The following TMC2 variants were observed in gnomAD, a reference collection of about 807,000 sequenced individuals.
The protein encoded by TMC2 is transmembrane channel-like protein 2.
TMC2 carries 102 observed loss-of-function variants against 105.9 expected under a neutral mutation model. The ratio of observed to expected loss-of-function variants is 0.96; its 90% confidence interval spans 0.82 to 1.14. TMC2 has a LOEUF of 1.14. Among genes scored for constraint, TMC2 ranks in the 50% most tolerant of loss-of-function variants. The pLI is 0.00. For synonymous variants in TMC2, 402 were observed against 422.8 expected (o/e 0.95, Z 0.60); for missense variants, 1,093 against 1,134.3 (o/e 0.96, Z 0.52).
At chr20:2,599,692 C>A (rs775262929) in intron 10 of TMC2, among the ~76,000 whole-genome samples, 1 of 152,018 alleles carries the variant, frequency 6.6e-6, no homozygotes, top group Non-Finnish European at 1.5e-5. Context: ...TCCTCCCTCC[C>A]TGGCCTCCCA....
At position 2,641,357 on chromosome 20, in the gene TMC2, A is replaced by G; in HGVS notation, c.*6A>G. 1.3e-6 allele frequency: 2 copies of G among 1,599,772 alleles called. No homozygotes were observed. The highest frequency in any genetic ancestry group is 4.5e-5 in the East Asian group (2 of 44,716). Reference sequence around the variant, plus strand: ...CTCAGAGACCTCCCCACTGATGGCTAGGACTCCAGGGAGCCTCGACCCTAG... The same window carrying G: ...CTCAGAGACCTCCCCACTGATGGCTGGGACTCCAGGGAGCCTCGACCCTAG... On this transcript the variant is annotated 3_prime_UTR_variant, in exon 20 of 20. Coordinates refer to ENST00000358864, the MANE Select transcript of TMC2 (RefSeq NM_080751.3).
Position 2,558,861 on chromosome 20 carries a change from C to G in TMC2, c.401+87C>G. ...CCCCTTCCCCCGTGAGGGACTGATG[C>G]CCCCCTCCCCGGGGAGAGGCAGCCC... is the stretch of plus-strand genomic sequence containing the variant. On this transcript the variant is annotated intron_variant, in intron 3 of 19. Coordinates refer to ENST00000358864, the MANE Select transcript of TMC2 (RefSeq NM_080751.3). This position sits in a 1 kb window ranked among gnomAD's most constrained non-coding sequence, Gnocchi z 4.6. 1 of 1,346,788 alleles carries G rather than the reference C, an allele frequency of 7.4e-7. No individual in the cohort carries two copies. The allele number at this position is 1,346,788 out of a possible 1,614,324, so 83.4% of individuals were successfully genotyped here. A position where few individuals can be genotyped will look rare whatever the true frequency, so the allele number is the denominator to read the frequency against.
intron 7 of TMC2, among the ~76,000 whole-genome samples, chr20:2,583,463 C>CTTTTT (rs372290962): frequency 7.2e-6 from 1 of 138,410 alleles, no homozygotes; most frequent in African/African-American, 2.7e-5. Flanking sequence ...CACATAAGCA[C>CTTTTT]TTTTTTTTTT....
chr20:2,578,370 A>G (rs896665434), intron 5 of TMC2, among the ~76,000 whole-genome samples: 1 of 152,186 alleles, frequency 6.6e-6, no homozygotes, highest in Non-Finnish European at 1.5e-5. Flanking sequence ...TCTGCTCTCT[A>G]CTACCTCTTA....
chr20:2,596,852 A>G (rs1399753508), intron 9 of TMC2, among the ~76,000 whole-genome samples: 1 of 152,060 alleles, frequency 6.6e-6, no homozygotes, highest in Non-Finnish European at 1.5e-5. Flanking sequence ...CAGATGAGTC[A>G]AGCCACAGGA....
At chr20:2,572,567 A>G (rs908198700) in intron 5 of TMC2, among the ~76,000 whole-genome samples, 16 of 152,198 alleles carry the variant, frequency 1.1e-4, no homozygotes, top group Non-Finnish European at 1.6e-4. Flanking sequence ...CCAAACCCCA[A>G]ATCAGGACAG....
intron 2 of TMC2, among the ~76,000 whole-genome samples, chr20:2,541,081 C>T (rs186586648): frequency 2.6e-5 from 4 of 152,136 alleles, no homozygotes; most frequent in Non-Finnish European, 5.9e-5. Flanking sequence ...CACAATCACC[C>T]CCTCCATTTC....
At chr20:2,571,919 T>C (rs1031970371) in intron 4 of TMC2, among the ~76,000 whole-genome samples, 1 of 152,242 alleles carries the variant, frequency 6.6e-6, no homozygotes, top group Non-Finnish European at 1.5e-5. Context: ...ATTATATTCA[T>C]GGGTGGAACA....
At chr20:2,554,130 C>T (rs1236854369) in intron 2 of TMC2, among the ~76,000 whole-genome samples, 1 of 152,104 alleles carries the variant, frequency 6.6e-6, no homozygotes, top group Non-Finnish European at 1.5e-5. Flanking sequence ...TCAGGTGATC[C>T]ATCTGCCTCA....
Position 2,641,329 on chromosome 20 carries a change from G to T in TMC2, c.2699G>T (p.Ser900Ile). 6.2e-7 allele frequency: 1 copy of T among 1,613,818 alleles called. No homozygotes were observed. ...THPWRSASGKSAQRPPH is the reference protein window; with the variant it reads ...THPWRSASGKIAQRPPH ...CCGTGGAGGTCAGCCTCTGGAAAGAGTGCTCAGAGACCTCCCCACTGATGG... is the reference window on the plus strand; with the variant it reads ...CCGTGGAGGTCAGCCTCTGGAAAGATTGCTCAGAGACCTCCCCACTGATGG... Residue 900 changes from serine to isoleucine, a missense_variant, in exon 20 of 20, where the codon AGT becomes ATT. Ser to Ile is a moderately radical substitution (Grantham distance 142). Coordinates refer to ENST00000358864, the MANE Select transcript of TMC2 (RefSeq NM_080751.3).
intron 11 of TMC2, among the ~76,000 whole-genome samples, chr20:2,603,339 C>G (rs2086365612): frequency 6.6e-6 from 1 of 151,860 alleles, no homozygotes; most frequent in South Asian, 2.1e-4. Context: ...CTATCTTCCC[C>G]CAACAAAGCA....
At chr20:2,625,566 T>C (rs2086558409) in intron 17 of TMC2, among the ~76,000 whole-genome samples, 1 of 152,256 alleles carries the variant, frequency 6.6e-6, no homozygotes, top group Non-Finnish European at 1.5e-5. Flanking sequence ...GATTTATCCA[T>C]GCGGATACAT....
chr20:2,604,386 G>A (rs553856779), intron 11 of TMC2, among the ~76,000 whole-genome samples: 4 of 152,260 alleles, frequency 2.6e-5, no homozygotes, highest in South Asian at 2.1e-4. Context: ...GAGAGAGGGC[G>A]GAACAATTTC....
Position 2,612,339 on chromosome 20 carries a change from T to TTGTGAGTAG in TMC2, c.1743+1_1743+9dup. ...TCTTGCTGGGAGACAGCTGTGGGCA[T>TTGTGAGTAG]TGTGAGTAGTTACACTCTCTAAAAA... On this transcript the variant is annotated inframe_insertion and splice_region_variant, in exon 13 of 20. Coordinates refer to ENST00000358864, the MANE Select transcript of TMC2 (RefSeq NM_080751.3). 1 of 1,568,518 alleles carries TTGTGAGTAG rather than the reference T, an allele frequency of 6.4e-7. No individual in the cohort carries two copies.
intron 14 of TMC2, chr20:2,614,168 A>G (rs1263728372): frequency 6.6e-6 from 1 of 152,248 alleles, no homozygotes; most frequent in Non-Finnish European, 1.5e-5. Flanking sequence ...GTGCTCAAAG[A>G]GGATGACATC....
chr20:2,634,091 C>G (rs726075), intron 17 of TMC2, among the ~76,000 whole-genome samples: 121,551 of 152,170 alleles, frequency 0.8, 48,770 homozygotes, highest in East Asian at 0.87. Context: ...TCTGTTTATG[C>G]TTTGAAATTC....
intron 16 of TMC2, among the ~76,000 whole-genome samples, chr20:2,618,936 G>T (rs138893868): frequency 1.7e-4 from 26 of 152,258 alleles, no homozygotes; most frequent in African/African-American, 6.0e-4. Flanking sequence ...CACTCATCCA[G>T]GGCTGGAAAT....
intron 3 of TMC2, among the ~76,000 whole-genome samples, chr20:2,560,266 CA>C (rs11290538): frequency 0.61 from 88,580 of 146,298 alleles, 26,331 homozygotes; most frequent in African/African-American, 0.66. Flanking sequence ...TGAAGTATGG[CA>C]AAAAAAAAAA....
At chr20:2,553,855 T>C (rs993332312) in intron 2 of TMC2, among the ~76,000 whole-genome samples, 1 of 152,146 alleles carries the variant, frequency 6.6e-6, no homozygotes. Context: ...CAGCATCAAG[T>C]TGTCTGCAAT....
Sources: allele counts gnomAD v4.1 joint callset (sites outside exome capture counted in the v4.1 genomes callset), GRCh38; gene constraint gnomAD v4.1.1; non-coding constraint Gnocchi (gnomAD v3.1); transcripts MANE v1.5; gene names NCBI Gene and HGNC (gene_info 2026-07-23, HGNC 2026-07-21).